Variants in PRTFDC1 observed in about 807,000 individuals in gnomAD.
PRTFDC1 encodes the protein phosphoribosyltransferase domain-containing protein 1.
PRTFDC1 carries 38 observed loss-of-function variants against 34.6 expected under a neutral mutation model. That is an observed-to-expected ratio of 1.10 (90% CI 0.85 to 1.44). PRTFDC1 has a LOEUF of 1.44. PRTFDC1 is among the 40% of genes most tolerant of loss of function. The pLI, the probability that PRTFDC1 is intolerant of heterozygous loss-of-function variation, is 0.00. For synonymous variants in PRTFDC1, 93 were observed against 98.1 expected, an observed-to-expected ratio of 0.95 and a Z score of 0.31; for missense variants, 270 against 283.0, an observed-to-expected ratio of 0.95 and a Z score of 0.33.
chr10:24,884,152 C>T (rs1448990849), intron 3 of PRTFDC1, among the ~76,000 whole-genome samples: 5 of 123,600 alleles, frequency 4.0e-5, no homozygotes, highest in Non-Finnish European at 9.1e-5. Flanking sequence ...TTTCTCCACA[C>T]AATTGTTTAA....
At chr10:24,890,319 G>C (rs1398184494) in intron 3 of PRTFDC1, among the ~76,000 whole-genome samples, 4 of 152,158 alleles carry the variant, frequency 2.6e-5, no homozygotes, top group Non-Finnish European at 5.9e-5. Flanking sequence ...TCTGCTCTTA[G>C]GTTTTTGTGG....
At chr10:24,879,726 A>C (rs1213136644) in intron 3 of PRTFDC1, among the ~76,000 whole-genome samples, 1 of 152,212 alleles carries the variant, frequency 6.6e-6, no homozygotes, top group African/African-American at 2.4e-5. Flanking sequence ...AAAACTATTA[A>C]GTGGGTGCAA....
At chr10:24,893,522 C>G (rs1848299897) in intron 3 of PRTFDC1, among the ~76,000 whole-genome samples, 1 of 152,136 alleles carries the variant, frequency 6.6e-6, no homozygotes, top group African/African-American at 2.4e-5. Flanking sequence ...GTTGCCCAGG[C>G]TGGTCTCAAA....
At chr10:24,919,406 G>C (rs1434015318) in intron 3 of PRTFDC1, among the ~76,000 whole-genome samples, 1 of 152,142 alleles carries the variant, frequency 6.6e-6, no homozygotes, top group East Asian at 1.9e-4. Flanking sequence ...TTAATAAATG[G>C]TGCTGGGAGA....
At position 24,882,807 on chromosome 10, in the gene PRTFDC1, C is replaced by A. The variant is rs1427215358; in HGVS notation, c.340-10744G>T. On this transcript the variant is annotated intron_variant, in intron 3 of 8. Transcript: ENST00000320152. Reference sequence around the variant, plus strand: ...AGGTGTGTGCCACCATGCCCCACATCCTCAAAATGTTAAAAAAACAAATAA... The same window carrying A: ...AGGTGTGTGCCACCATGCCCCACATACTCAAAATGTTAAAAAAACAAATAA... Among the ~76,000 whole-genome samples, 4 of 150,880 alleles carry A rather than the reference C, an allele frequency of 2.7e-5. No individual in the cohort carries two copies. In the East Asian group the frequency reaches 5.8e-4, roughly 22 times the overall value.
intron 3 of PRTFDC1, among the ~76,000 whole-genome samples, chr10:24,887,342 C>A (rs759914203): frequency 6.6e-6 from 1 of 152,138 alleles, no homozygotes; most frequent in Non-Finnish European, 1.5e-5. Context: ...TTCTCATAAT[C>A]CCCACGTGTC....
At chr10:24,908,456 C>A (rs751851872) in intron 3 of PRTFDC1, 3 of 1,590,760 alleles carry the variant, frequency 1.9e-6, no homozygotes, top group South Asian at 2.3e-5. Context: ...AGACAGTGAG[C>A]CCTAGAATGG....
intron 3 of PRTFDC1, among the ~76,000 whole-genome samples, chr10:24,874,386 T>C (rs1337768490): frequency 1.3e-5 from 2 of 152,180 alleles, no homozygotes; most frequent in African/African-American, 2.4e-5. Context: ...CTGCTAGAGA[T>C]GCTGAAATAG....
At chr10:24,920,837 A>G (rs1234554503) in intron 3 of PRTFDC1, among the ~76,000 whole-genome samples, 1 of 152,242 alleles carries the variant, frequency 6.6e-6, no homozygotes, top group Non-Finnish European at 1.5e-5. Context: ...ATTTAAATTT[A>G]TCCATTAAAA....
intron 3 of PRTFDC1, among the ~76,000 whole-genome samples, chr10:24,893,795 T>C (rs1435867701): frequency 6.6e-6 from 1 of 152,236 alleles, no homozygotes; most frequent in Non-Finnish European, 1.5e-5. Context: ...AGAGCCTGAA[T>C]GTGAACCCAG....
At position 24,885,901 on chromosome 10, in the gene PRTFDC1, C is replaced by T. The variant is rs1043223230; in HGVS notation, c.340-13838G>A. Among the ~76,000 whole-genome samples, 6 of 152,294 alleles carry T rather than the reference C, an allele frequency of 3.9e-5. No individual in the cohort carries two copies. The East Asian group carries it at 1.2e-3, about 29-fold the overall frequency. On this transcript the variant is annotated intron_variant, in intron 3 of 8. Coordinates refer to ENST00000320152, the MANE Select transcript of PRTFDC1 (RefSeq NM_020200.7). ...AAAGAAGCCATTCTGAAAGGCCACA[C>T]ACTGTAAGATTCCAACTAAATGACG...
intron 3 of PRTFDC1, among the ~76,000 whole-genome samples, chr10:24,884,123 T>G (rs1848126564): frequency 6.6e-6 from 1 of 151,070 alleles, no homozygotes; most frequent in Non-Finnish European, 1.5e-5. Context: ...TGAGCCACAG[T>G]GCCCGGCCAA....
chr10:24,857,456 G>A (rs1012600600), intron 5 of PRTFDC1, among the ~76,000 whole-genome samples: 1 of 152,192 alleles, frequency 6.6e-6, no homozygotes, highest in Non-Finnish European at 1.5e-5. Flanking sequence ...GAAGTGAGAG[G>A]TGTCTGGACA....
Position 24,849,838 on chromosome 10 carries a change from A to C in PRTFDC1, c.*6T>G. ...TCTGGGACTTTAGTGGTGAGAATTC[A>C]TGTCTTTAGACTCGATATTTTTCTT... On this transcript the variant is annotated 3_prime_UTR_variant, in exon 9 of 9. Transcript: ENST00000320152. 1 of 1,613,688 alleles carries C rather than the reference A, an allele frequency of 6.2e-7. No individual in the cohort carries two copies. The highest frequency in any genetic ancestry group is 8.5e-7 in the Non-Finnish European group (1 of 1,179,604).
At chr10:24,857,699 A>G (rs866622674) in intron 5 of PRTFDC1, among the ~76,000 whole-genome samples, 3 of 151,988 alleles carry the variant, frequency 2.0e-5, no homozygotes, top group African/African-American at 7.2e-5. Flanking sequence ...ACTGAGCAAG[A>G]ACTCCAGATG....
At chr10:24,882,131 C>T (rs965388777) in intron 3 of PRTFDC1, among the ~76,000 whole-genome samples, 5 of 144,226 alleles carry the variant, frequency 3.5e-5, no homozygotes, top group East Asian at 2.1e-4. Flanking sequence ...CGCTTGAATC[C>T]GGGAGGCAGA....
intron 1 of PRTFDC1, among the ~76,000 whole-genome samples, chr10:24,948,403 CTG>C (rs1849286408): frequency 6.6e-6 from 1 of 152,164 alleles, no homozygotes; most frequent in South Asian, 2.1e-4. Flanking sequence ...AATCTGGTGA[CTG>C]TATTAGCTCC....
Position 24,936,265 on chromosome 10 carries a change from G to A in PRTFDC1, c.339+919C>T, listed in dbSNP as rs555825077. 2.2e-4 allele frequency among the ~76,000 whole-genome samples: 34 copies of A among 152,184 alleles called. No homozygotes were observed. In the South Asian group the frequency reaches 6.9e-3, roughly 31 times the overall value. On this transcript the variant is annotated intron_variant, in intron 3 of 8. Coordinates refer to ENST00000320152, the MANE Select transcript of PRTFDC1 (RefSeq NM_020200.7). The stretch of plus-strand genomic sequence containing the variant: ...AGAAGTTAACATCATAGAGGGAGGA[G>A]GAGGGAGACTAAGGAAACAACAGCT...
chr10:24,952,427 CCTCT>C lies in PRTFDC1; in HGVS notation c.48+97_48+100del. 2.2e-6 allele frequency: 3 copies of C among 1,343,330 alleles called. No homozygotes were observed. The South Asian group carries it at 3.8e-5, about 17-fold the overall frequency. 83.2% of individuals were successfully genotyped at this position (1,343,330 alleles called of 1,614,324 possible). ...CCGGGAGGGAGAACAAAGCGGTGGCCCTCTCTCTCCCCCGACGCACGGCAAGCAT... is the reference window on the plus strand; with the variant it reads ...CCGGGAGGGAGAACAAAGCGGTGGCCCTCTCCCCCGACGCACGGCAAGCAT... On this transcript the variant is annotated intron_variant, in intron 1 of 8. Coordinates refer to ENST00000320152, the MANE Select transcript of PRTFDC1 (RefSeq NM_020200.7). The surrounding 1 kb of genome is among the most constrained non-coding windows in gnomAD (Gnocchi z 5.1).
Sources: allele counts gnomAD v4.1 joint callset (sites outside exome capture counted in the v4.1 genomes callset), GRCh38; gene constraint gnomAD v4.1.1; non-coding constraint Gnocchi (gnomAD v3.1); transcripts MANE v1.5; gene names NCBI Gene and HGNC (gene_info 2026-07-23, HGNC 2026-07-21).